The following FMN2 variants were observed in gnomAD, a reference collection of about 807,000 sequenced individuals.
FMN2 encodes the protein formin-2.
A neutral mutation model predicts 142.3 loss-of-function variants in FMN2; 51 were observed. The observed-to-expected ratio is 0.36, with a 90% CI of 0.29 to 0.45. FMN2 has a LOEUF of 0.45. Ranked by LOEUF, FMN2 falls within the 20% of genes least tolerant of loss-of-function variation. FMN2 has a pLI of 1.00. For synonymous variants in FMN2, 882 were observed against 869.8 expected (o/e 1.01, Z -0.25); for missense variants, 1,936 against 2,122.8 (o/e 0.91, Z 1.73).
At chr1:240,403,478 A>G (rs1444540413) in intron 15 of FMN2, among the ~76,000 whole-genome samples, 1 of 152,212 alleles carries the variant, frequency 6.6e-6, no homozygotes, top group Non-Finnish European at 1.5e-5. Context: ...TACTAAAAAT[A>G]CAAAAATTAG....
In FMN2 at chr1:240,093,090, G is replaced by T. The variant is rs1371895818; in HGVS notation, c.981G>T (p.Glu327Asp). The T allele has an allele frequency of 1.1e-5, 15 of 1,396,456 alleles. No homozygotes were observed. Among genetic ancestry groups the T allele is most frequent in the Non-Finnish European group, 1.4e-5 (15 of 1,084,850 alleles). 86.5% of individuals were successfully genotyped at this position (1,396,456 alleles called of 1,614,324 possible). A position where few individuals can be genotyped will look rare whatever the true frequency, so the allele number is the denominator to read the frequency against. The change falls in exon 1 of 18, where the codon GAG (glutamate) becomes GAT (aspartate). Residue 327 changes from glutamate (E) to aspartate (D), a missense_variant. Around this residue, in one of 8 missense-constraint regions of FMN2, gnomAD observed 751 missense variants for 791.8 expected, o/e 0.95. Coordinates refer to ENST00000319653, the MANE Select transcript of FMN2 (RefSeq NM_020066.5). ...CCTCCACGGCTTTCCCATTTCCCGA[G>T]GCCGGGCCGGGGGAGGAAGCGGCCG... ...SPSSTAFPFP[E>D]AGPGEEAAGA...
In FMN2 at chr1:240,343,905, G is replaced by A. The variant is rs559415470; in HGVS notation, c.4765+9676G>A. 1.6e-3 allele frequency among the ~76,000 whole-genome samples: 247 copies of A among 152,264 alleles called. 1 individual carries two copies. The highest frequency in any genetic ancestry group is 3.1e-3 in the Admixed American group (47 of 15,282). On this transcript the variant is annotated intron_variant, in intron 13 of 17. Coordinates refer to ENST00000319653, the MANE Select transcript of FMN2 (RefSeq NM_020066.5). The stretch of plus-strand genomic sequence containing the variant: ...TGGGTCGGCGGGGAGTATTTGGAAG[G>A]AAATGGAGGAGGAGAGAGAGAGGCA...
intron 15 of FMN2, among the ~76,000 whole-genome samples, chr1:240,401,369 G>T (rs1673983959): frequency 6.6e-6 from 1 of 152,114 alleles, no homozygotes; most frequent in South Asian, 2.1e-4. Context: ...GCAAGATTTG[G>T]AGGTACTCAA....
At chr1:240,313,679 G>A (rs1670667911) in intron 8 of FMN2, among the ~76,000 whole-genome samples, 1 of 151,972 alleles carries the variant, frequency 6.6e-6, no homozygotes, top group Non-Finnish European at 1.5e-5. Context: ...ATAAAATAGT[G>A]TATACTGCCC....
intron 2 of FMN2, among the ~76,000 whole-genome samples, chr1:240,146,291 G>A (rs549738816): frequency 6.6e-6 from 1 of 151,722 alleles, no homozygotes; most frequent in African/African-American, 2.4e-5. Context: ...TTACTTGGGA[G>A]GCTGAGGCAG....
intron 1 of FMN2, among the ~76,000 whole-genome samples, chr1:240,122,492 A>G (rs977020905): frequency 3.3e-5 from 5 of 152,240 alleles, no homozygotes; most frequent in Admixed American, 1.3e-4. Context: ...CATGTTGGCC[A>G]GGCTGGTCTT....
chr1:240,421,247 C>A (rs1209902085), intron 15 of FMN2, among the ~76,000 whole-genome samples: 1 of 152,128 alleles, frequency 6.6e-6, no homozygotes, highest in Admixed American at 6.5e-5. Context: ...TGTGGAAGAT[C>A]TGAAAGGTGT....
intron 14 of FMN2, among the ~76,000 whole-genome samples, chr1:240,361,767 G>T (rs915792535): frequency 6.6e-6 from 1 of 152,202 alleles, no homozygotes; most frequent in Admixed American, 6.5e-5. Context: ...ATTGAGGATT[G>T]GACATCATAA....
intron 7 of FMN2, among the ~76,000 whole-genome samples, chr1:240,274,674 A>AG (rs1417237219): frequency 3.3e-5 from 5 of 152,214 alleles, no homozygotes; most frequent in African/African-American, 9.6e-5. Flanking sequence ...AAGAGCAGTG[A>AG]GGAGACTATC....
intron 15 of FMN2, among the ~76,000 whole-genome samples, chr1:240,409,581 A>G (rs915219704): frequency 3.3e-5 from 5 of 152,228 alleles, no homozygotes; most frequent in Non-Finnish European, 7.3e-5. Flanking sequence ...AGATTACAAG[A>G]TATGAATTCC....
chr1:240,364,091 C>T (rs946479733), intron 14 of FMN2, among the ~76,000 whole-genome samples: 23 of 152,196 alleles, frequency 1.5e-4, no homozygotes, highest in African/African-American at 4.8e-4. Context: ...ATTTTACTTT[C>T]GTGACTCTTT....
chr1:240,142,473 T>G (rs1663224128), intron 2 of FMN2, among the ~76,000 whole-genome samples: 3 of 47,754 alleles, frequency 6.3e-5, no homozygotes, highest in African/African-American at 3.0e-4. Context: ...GAAAACCTTT[T>G]CATATTTATT....
At chr1:240,149,915 C>T (rs1350225) in intron 2 of FMN2, among the ~76,000 whole-genome samples, 86,223 of 151,426 alleles carry the variant, frequency 0.57, 24,777 homozygotes, top group South Asian at 0.73. Flanking sequence ...TGTTTTTTTT[C>T]CCCTGAGTAC....
At chr1:240,363,849 G>T (rs1181206436) in intron 14 of FMN2, among the ~76,000 whole-genome samples, 1 of 151,852 alleles carries the variant, frequency 6.6e-6, no homozygotes, top group African/African-American at 2.4e-5. Context: ...CTGCCTGATG[G>T]CTCAGGTGTC....
intron 2 of FMN2, among the ~76,000 whole-genome samples, chr1:240,136,128 A>T (rs1342894965): frequency 6.6e-6 from 1 of 152,078 alleles, no homozygotes; most frequent in Non-Finnish European, 1.5e-5. Context: ...GTTGGAGATT[A>T]TTATGTTTAA....
chr1:240,293,524 A>C (rs1158238878), intron 7 of FMN2, among the ~76,000 whole-genome samples: 2 of 152,118 alleles, frequency 1.3e-5, no homozygotes, highest in Non-Finnish European at 2.9e-5. Flanking sequence ...ATATTATCAC[A>C]GCAAAATTAT....
intron 8 of FMN2, among the ~76,000 whole-genome samples, chr1:240,325,438 A>T (rs1671138460): frequency 6.6e-6 from 1 of 151,868 alleles, no homozygotes; most frequent in African/African-American, 2.4e-5. Flanking sequence ...TATACTTATT[A>T]GAGTGTATAC....
chr1:240,261,376 C>T (rs1668623856), intron 7 of FMN2, among the ~76,000 whole-genome samples: 1 of 150,934 alleles, frequency 6.6e-6, no homozygotes, highest in African/African-American at 2.4e-5. Context: ...TTCAGACATG[C>T]TGCTTCTCCA....
intron 13 of FMN2, among the ~76,000 whole-genome samples, chr1:240,336,049 A>T (rs1442307974): frequency 6.6e-6 from 1 of 152,172 alleles, no homozygotes; most frequent in South Asian, 2.1e-4. Flanking sequence ...AGCCTGAGGC[A>T]GGAGAATCAC....
Sources: gnomAD v4.1 joint callset for allele counts (sites outside exome capture counted in the v4.1 genomes callset) on GRCh38, gnomAD v4.1.1 for gene constraint, gnomAD v4.1.1 regional missense constraint, MANE v1.5 for transcripts, NCBI Gene and HGNC (gene_info 2026-07-23, HGNC 2026-07-21) for gene names.